The following IL1RAPL2 variants were observed in gnomAD, a reference collection of about 807,000 sequenced individuals.
IL1RAPL2 encodes interleukin 1 receptor accessory protein like 2, also known as X-linked interleukin-1 receptor accessory protein-like 2.
In IL1RAPL2, 3 loss-of-function variants were observed where a neutral mutation model predicts 44.1. That is an observed-to-expected ratio of 0.07 (90% CI 0.03 to 0.18). IL1RAPL2 has a LOEUF of 0.18. IL1RAPL2 is among the 10% of genes least tolerant of loss of function. The pLI, the probability that IL1RAPL2 is intolerant of heterozygous loss-of-function variation, is 1.00. For missense variants in IL1RAPL2, 391 were observed against 496.4 expected (o/e 0.79, Z 2.02); for synonymous variants, 181 against 178.8 (o/e 1.01, Z -0.10).
At chrX:104,586,938 CCTT>C (rs1928574062) in intron 1 of IL1RAPL2, among the ~76,000 whole-genome samples, 1 of 111,582 alleles carries the variant, frequency 9.0e-6, no homozygotes, top group African/African-American at 3.3e-5. Flanking sequence ...TTGGCTCAAT[CCTT>C]CTTAGGTTGC....
At chrX:105,514,011 A>G (rs1240026500) in intron 6 of IL1RAPL2, among the ~76,000 whole-genome samples, 1 of 111,555 alleles carries the variant, frequency 9.0e-6, no homozygotes, top group Non-Finnish European at 1.9e-5. Context: ...CTATCAAATC[A>G]TGTGAAATGG....
At chrX:105,379,893 C>A (rs1441843730) in intron 5 of IL1RAPL2, among the ~76,000 whole-genome samples, 1 of 111,837 alleles carries the variant, frequency 8.9e-6, no homozygotes, top group East Asian at 2.8e-4. Context: ...GATTCTGAAT[C>A]ATTTATTAGA....
chrX:105,678,750 C>G (rs936187050), intron 6 of IL1RAPL2, among the ~76,000 whole-genome samples: 2 of 111,394 alleles, frequency 1.8e-5, no homozygotes, highest in Non-Finnish European at 3.8e-5. Context: ...GCAACCCCCA[C>G]CCAATCCCTG....
At chrX:104,795,679 A>AATT (rs1047961588) in intron 2 of IL1RAPL2, among the ~76,000 whole-genome samples, 7 of 111,031 alleles carry the variant, frequency 6.3e-5, no homozygotes, top group African/African-American at 2.3e-4. Flanking sequence ...TTTGCCGTAA[A>AATT]ATTATTTTTG....
intron 6 of IL1RAPL2, among the ~76,000 whole-genome samples, chrX:105,712,855 A>G (rs1720694519): frequency 8.9e-6 from 1 of 112,276 alleles, no homozygotes; most frequent in African/African-American, 3.2e-5. Context: ...CCAAGATACA[A>G]TGGGGGTACA....
At chrX:104,883,276 A>G (rs148565120) in intron 2 of IL1RAPL2, among the ~76,000 whole-genome samples, 1 of 111,558 alleles carries the variant, frequency 9.0e-6, no homozygotes, top group East Asian at 2.8e-4. Context: ...GGCCAGTTAA[A>G]AGCGACTAGT....
At chrX:105,446,521 A>G (rs2035955610) in intron 5 of IL1RAPL2, among the ~76,000 whole-genome samples, 1 of 110,407 alleles carries the variant, frequency 9.1e-6, no homozygotes, top group African/African-American at 3.3e-5. Context: ...CTCTGCTGGT[A>G]TAATTTAATT....
At chrX:104,619,458 C>T (rs1369957135) in intron 1 of IL1RAPL2, among the ~76,000 whole-genome samples, 1 of 111,943 alleles carries the variant, frequency 8.9e-6, no homozygotes, top group Non-Finnish European at 1.9e-5. Context: ...CTCTCACATG[C>T]TGGAGCTTCA....
intron 2 of IL1RAPL2, among the ~76,000 whole-genome samples, chrX:104,951,745 C>T (rs1205197075): frequency 8.9e-6 from 1 of 112,369 alleles, no homozygotes; most frequent in African/African-American, 3.2e-5. Context: ...TTAATTTCTT[C>T]AACTGCGTAG....
intron 1 of IL1RAPL2, among the ~76,000 whole-genome samples, chrX:104,637,347 C>T (rs771514927): frequency 9.0e-6 from 1 of 111,401 alleles, no homozygotes; most frequent in East Asian, 2.8e-4. Flanking sequence ...GCTAGTACTT[C>T]CAGTACCATC....
At chrX:105,374,201 G>A (rs572152519) in intron 5 of IL1RAPL2, among the ~76,000 whole-genome samples, 3 of 109,532 alleles carry the variant, frequency 2.7e-5, no homozygotes, top group East Asian at 2.9e-4. Context: ...TATGTGTCTC[G>A]TTTTGTACTA....
intron 6 of IL1RAPL2, among the ~76,000 whole-genome samples, chrX:105,526,511 TGA>T (rs2036595814): frequency 8.9e-6 from 1 of 111,851 alleles, no homozygotes; most frequent in African/African-American, 3.2e-5. Context: ...GATCAAATCT[TGA>T]GTCAAATATT....
At position 105,444,372 on chromosome X, in the gene IL1RAPL2, G is replaced by A. The variant is rs186369554; in HGVS notation, c.698-39941G>A. Among the ~76,000 whole-genome samples the A allele has an allele frequency of 9.6e-4, 106 of 110,925 alleles. 1 individual carries two copies. The South Asian group carries it at 0.037, about 38-fold the overall frequency. On this transcript the variant is annotated intron_variant, in intron 5 of 10. Transcript: ENST00000372582. ...TGTGATGACATTTGTTCATTTTTGC[G>A]TTGGTTCCTGTGCTTGTGGGGTGTT...
chrX:104,917,400 A>G (rs1924485732), intron 2 of IL1RAPL2, among the ~76,000 whole-genome samples: 1 of 112,231 alleles, frequency 8.9e-6, no homozygotes, highest in Non-Finnish European at 1.9e-5. Context: ...ACTTTGCAAA[A>G]GAAGATTCCT....
At chrX:104,952,428 GC>G (rs1569350365) in intron 2 of IL1RAPL2, among the ~76,000 whole-genome samples, 1 of 111,942 alleles carries the variant, frequency 8.9e-6, no homozygotes, top group African/African-American at 3.2e-5. Flanking sequence ...AAAAGAGAGA[GC>G]CCTCCAGAAT....
At chrX:104,729,229 CAATT>C (rs928457780) in intron 2 of IL1RAPL2, among the ~76,000 whole-genome samples, 4 of 110,894 alleles carry the variant, frequency 3.6e-5, no homozygotes, top group Admixed American at 2.9e-4. Context: ...AAATGTAAAA[CAATT>C]AAATTCATAT....
At chrX:104,720,389 GAAATT>G (rs757692517) in intron 2 of IL1RAPL2, among the ~76,000 whole-genome samples, 9 of 111,345 alleles carry the variant, frequency 8.1e-5, no homozygotes, top group Admixed American at 9.6e-5. Context: ...TATAAAATAA[GAAATT>G]AAACATAAGG....
chrX:105,363,550 A>G (rs982321354), intron 5 of IL1RAPL2, among the ~76,000 whole-genome samples: 9 of 107,827 alleles, frequency 8.3e-5, no homozygotes, highest in African/African-American at 3.0e-4. Context: ...GTAATAATTT[A>G]CATTCCCACC....
intron 6 of IL1RAPL2, among the ~76,000 whole-genome samples, chrX:105,548,119 C>T (rs111799748): frequency 0.018 from 1,959 of 111,671 alleles, 42 homozygotes; most frequent in African/African-American, 0.061. Context: ...CAAACAAGCA[C>T]CTACTATGTT....
Sources: allele counts gnomAD v4.1 joint callset (sites outside exome capture counted in the v4.1 genomes callset), GRCh38; gene constraint gnomAD v4.1.1; transcripts MANE v1.5; gene names NCBI Gene and HGNC (gene_info 2026-07-23, HGNC 2026-07-21).